The following MEDAG variants were observed in gnomAD, a reference collection of about 807,000 sequenced individuals.
The protein encoded by MEDAG is mesenteric estrogen-dependent adipogenesis protein.
Under a neutral mutation model 29.9 loss-of-function variants are expected in MEDAG, and 25 were observed. The observed-to-expected ratio is 0.84, with a 90% CI of 0.61 to 1.17. The LOEUF is 1.17. Ranked by LOEUF, MEDAG falls within the 50% of genes most tolerant of loss-of-function variation. The probability of loss-of-function intolerance (pLI) is 0.00; values close to 1 mark genes in which losing one functional copy is unlikely to be tolerated. For synonymous variants in MEDAG, 158 were observed against 148.2 expected (o/e 1.07, Z -0.48); for missense variants, 398 against 372.9 (o/e 1.07, Z -0.56).
At chr13:30,918,384 G>C (rs1952950146) in intron 2 of MEDAG, among the ~76,000 whole-genome samples, 1 of 152,144 alleles carries the variant, frequency 6.6e-6, no homozygotes, top group African/African-American at 2.4e-5. Flanking sequence ...ATCCCACTTA[G>C]GAGGTGCTTA....
chr13:30,919,255 T>C (rs1468896886), intron 2 of MEDAG, among the ~76,000 whole-genome samples: 1 of 152,236 alleles, frequency 6.6e-6, no homozygotes, highest in African/African-American at 2.4e-5. Context: ...AAAATTATGA[T>C]TAAGGCAATA....
Position 30,921,598 on chromosome 13 carries a change from C to T in MEDAG, c.539C>T (p.Pro180Leu). ...FQEAVKNFFP[P>L]GNEVVNGENL... ...GAGGCAGTGAAGAATTTCTTCCCCC[C>T]AGGAAATGAAGTGGTTAATGGAGAA... Residue 180 changes from proline to leucine, a missense_variant, in exon 4 of 5, where the codon CCA becomes CTA. By Grantham distance (98) the Pro-to-Leu change is moderately conservative. Coordinates refer to ENST00000380482, the MANE Select transcript of MEDAG (RefSeq NM_032849.4). 6.2e-7 allele frequency: 1 copy of T among 1,607,868 alleles called. No individual in the cohort carries two copies. Among genetic ancestry groups the T allele is most frequent in the Non-Finnish European group, 8.5e-7 (1 of 1,178,480 alleles).
intron 1 of MEDAG, among the ~76,000 whole-genome samples, chr13:30,912,254 T>C (rs565840025): frequency 5.9e-5 from 9 of 152,278 alleles, no homozygotes; most frequent in African/African-American, 2.2e-4. Context: ...TCAGTAGAAC[T>C]AGGGCAGAAG....
chr13:30,913,655 G>A (rs1952901194), intron 1 of MEDAG, among the ~76,000 whole-genome samples: 1 of 152,110 alleles, frequency 6.6e-6, no homozygotes, highest in Admixed American at 6.5e-5. Context: ...ATCTTAAAGT[G>A]TTTGCTTTTC....
chr13:30,911,746 C>T (rs1050931303), intron 1 of MEDAG, among the ~76,000 whole-genome samples: 2 of 152,172 alleles, frequency 1.3e-5, no homozygotes, highest in Admixed American at 6.5e-5. Flanking sequence ...TACCAGTTTG[C>T]AAGCCTATGA....
At chr13:30,908,028 A>C (rs1952846382) in intron 1 of MEDAG, among the ~76,000 whole-genome samples, 1 of 152,232 alleles carries the variant, frequency 6.6e-6, no homozygotes, top group Admixed American at 6.5e-5. Context: ...CAGATTTAAA[A>C]AGAAGATACC....
chr13:30,906,419 G>T lies in MEDAG; in HGVS notation c.-97G>T. On this transcript the variant is annotated 5_prime_UTR_variant, in exon 1 of 5. It adds an upstream start codon to the 5' untranslated region. Transcript: ENST00000380482. ...CCTCACCTCGCGCGCGGCTGACGCA[G>T]GCAGGGCGCCCGGCCCCTCCTGGGG... 7.7e-7 allele frequency: 1 copy of T among 1,292,582 alleles called. No homozygotes were observed. 80.1% of individuals were successfully genotyped at this position (1,292,582 alleles called of 1,614,324 possible).
At position 30,924,574 on chromosome 13, in the gene MEDAG, C is replaced by G; in HGVS notation, c.*139C>G. 1.2e-6 allele frequency: 1 copy of G among 805,184 alleles called. No homozygotes were observed. Among genetic ancestry groups the G allele is most frequent in the Non-Finnish European group, 1.9e-6 (1 of 527,442 alleles). The allele number at this position is 805,184 out of a possible 1,614,324, so 49.9% of individuals were successfully genotyped here. ...GCTCCTCCATGGCTTCTATGGAGGACTCCTCTCTTCTGCTTCTGTGGATGT... is the reference window on the plus strand; with the variant it reads ...GCTCCTCCATGGCTTCTATGGAGGAGTCCTCTCTTCTGCTTCTGTGGATGT... On this transcript the variant is annotated 3_prime_UTR_variant, in exon 5 of 5. Transcript: ENST00000380482.
At chr13:30,915,472 C>T (rs893894791) in intron 1 of MEDAG, among the ~76,000 whole-genome samples, 5 of 152,042 alleles carry the variant, frequency 3.3e-5, no homozygotes, top group Non-Finnish European at 7.4e-5. Context: ...ACCTGGTGCC[C>T]GGCTCATCAG....
intron 1 of MEDAG, among the ~76,000 whole-genome samples, chr13:30,911,829 T>C (rs1386899368): frequency 6.6e-6 from 1 of 152,216 alleles, no homozygotes. Context: ...GGAGACCTTG[T>C]TAAAACACAG....
At chr13:30,915,202 C>T (rs938106851) in intron 1 of MEDAG, among the ~76,000 whole-genome samples, 1 of 152,188 alleles carries the variant, frequency 6.6e-6, no homozygotes, top group African/African-American at 2.4e-5. Flanking sequence ...TCTCTTCACC[C>T]CCTTCCCAAG....
At chr13:30,919,590 C>T (rs1244265453) in intron 2 of MEDAG, among the ~76,000 whole-genome samples, 1 of 152,016 alleles carries the variant, frequency 6.6e-6, no homozygotes, top group Non-Finnish European at 1.5e-5. Flanking sequence ...ATCTAAAGTG[C>T]CCAAAAAATA....
chr13:30,924,716 T>G lies in MEDAG; in HGVS notation c.*281T>G. 1 of 258,462 alleles carries G rather than the reference T, an allele frequency of 3.9e-6. No individual in the cohort carries two copies. The allele number at this position is 258,462 out of a possible 1,614,324, so 16.0% of individuals were successfully genotyped here. On this transcript the variant is annotated 3_prime_UTR_variant, in exon 5 of 5. Transcript: ENST00000380482. ...GGGGGATATTCTCTACTTTGAACACTTCTCCAAAGAGGCAGAAGGGCCACA... is the reference window on the plus strand; with the variant it reads ...GGGGGATATTCTCTACTTTGAACACGTCTCCAAAGAGGCAGAAGGGCCACA...
rs1952977758 is a variant in MEDAG at position 30,921,008 on chromosome 13, T to C, written c.389-6T>C. Reference sequence around the variant, plus strand: ...TTGTTTCTGAATTCTGCTTGCTAATTTCTAGAAAGGACGTACGCGTTTCTT... The same window carrying C: ...TTGTTTCTGAATTCTGCTTGCTAATCTCTAGAAAGGACGTACGCGTTTCTT... On this transcript the variant is annotated splice_region_variant and splice_polypyrimidine_tract_variant and intron_variant, in intron 2 of 4. Coordinates refer to ENST00000380482, the MANE Select transcript of MEDAG (RefSeq NM_032849.4). 1 of 1,611,400 alleles carries C rather than the reference T, an allele frequency of 6.2e-7. No homozygotes were observed. The highest frequency in any genetic ancestry group is 2.2e-5 in the East Asian group (1 of 44,874).
intron 1 of MEDAG, among the ~76,000 whole-genome samples, chr13:30,915,273 G>A (rs1020923466): frequency 6.6e-6 from 1 of 152,108 alleles, no homozygotes; most frequent in African/African-American, 2.4e-5. Context: ...TCAATATGTA[G>A]AAGCAATATT....
intron 1 of MEDAG, among the ~76,000 whole-genome samples, chr13:30,911,093 A>G (rs536795479): frequency 6.6e-6 from 1 of 152,320 alleles, no homozygotes; most frequent in East Asian, 1.9e-4. Flanking sequence ...TGACCTTGGG[A>G]AATTTACTTA....
chr13:30,907,516 T>C (rs1286139312), intron 1 of MEDAG, among the ~76,000 whole-genome samples: 1 of 152,210 alleles, frequency 6.6e-6, no homozygotes, highest in Non-Finnish European at 1.5e-5. Context: ...AAGCTCTTCT[T>C]GGCAGACCGG....
At chr13:30,921,519 C>G in intron 3 of MEDAG, 42 bp from the exon 4 acceptor site, 1 of 1,544,952 alleles carries the variant, frequency 6.5e-7, no homozygotes, top group Non-Finnish European at 8.7e-7. Flanking sequence ...CAACAGGATA[C>G]TTATGTCCAT....
rs970166641 is a variant in MEDAG, at chr13:30,924,596, A to T, written c.*161A>T. Reference sequence around the variant, plus strand: ...GGACTCCTCTCTTCTGCTTCTGTGGATGTGATGCCCTGGCAGGCCCAGGGC... The same window carrying T: ...GGACTCCTCTCTTCTGCTTCTGTGGTTGTGATGCCCTGGCAGGCCCAGGGC... On this transcript the variant is annotated 3_prime_UTR_variant, in exon 5 of 5. Transcript: ENST00000380482. 6.0e-6 allele frequency: 4 copies of T among 668,372 alleles called. No homozygotes were observed. The highest frequency in any genetic ancestry group is 2.4e-6 in the Non-Finnish European group (1 of 420,914). 41.4% of individuals were successfully genotyped at this position (668,372 alleles called of 1,614,324 possible). A position where few individuals can be genotyped will look rare whatever the true frequency, so the allele number is the denominator to read the frequency against.
Sources: allele counts gnomAD v4.1 joint callset (sites outside exome capture counted in the v4.1 genomes callset), GRCh38; gene constraint gnomAD v4.1.1; transcripts MANE v1.5; gene names NCBI Gene and HGNC (gene_info 2026-07-23, HGNC 2026-07-21).